The following STAU2 variants were observed in gnomAD, a reference collection of about 807,000 sequenced individuals.
STAU2 encodes staufen double-stranded RNA binding protein 2, also known as double-stranded RNA-binding protein Staufen homolog 2.
In STAU2, 20 loss-of-function variants were observed where a neutral mutation model predicts 65.9. That is an observed-to-expected ratio of 0.30 (90% CI 0.21 to 0.44). The LOEUF is 0.44. Ranked by LOEUF, STAU2 falls within the 20% of genes least tolerant of loss-of-function variation. The pLI is 1.00. For missense variants in STAU2, 558 were observed against 683.9 expected, an observed-to-expected ratio of 0.82 and a Z score of 2.05; for synonymous variants, 232 against 233.9, an observed-to-expected ratio of 0.99 and a Z score of 0.07.
intron 13 of STAU2, among the ~76,000 whole-genome samples, chr8:73,496,198 G>A (rs1384431210): frequency 6.6e-6 from 1 of 151,358 alleles, no homozygotes; most frequent in Non-Finnish European, 1.5e-5. Flanking sequence ...TTCTCTCGGT[G>A]TGTGTGTGTG....
chr8:73,503,354 C>G (rs1821868557), intron 13 of STAU2, among the ~76,000 whole-genome samples: 1 of 152,094 alleles, frequency 6.6e-6, no homozygotes, highest in African/African-American at 2.4e-5. Context: ...AAAGTAATAG[C>G]AGGGCTCATT....
At chr8:73,628,959 G>T (rs183844948) in intron 6 of STAU2, among the ~76,000 whole-genome samples, 3 of 152,178 alleles carry the variant, frequency 2.0e-5, no homozygotes, top group Non-Finnish European at 4.4e-5. Context: ...ACTCCCAAAA[G>T]TAACATGGAG....
intron 12 of STAU2, among the ~76,000 whole-genome samples, chr8:73,570,753 C>G (rs970995261): frequency 3.0e-4 from 46 of 152,258 alleles, no homozygotes; most frequent in African/African-American, 1.1e-3. Flanking sequence ...GCGGATCTCT[C>G]GGCAGAAACT....
chr8:73,672,966 G>T, intron 6 of STAU2, 141 bp downstream of exon 6: 3 of 709,184 alleles, frequency 4.2e-6, no homozygotes, highest in Middle Eastern at 4.9e-4. Flanking sequence ...AATATTCCTT[G>T]TGAACCTGCT....
intron 4 of STAU2, among the ~76,000 whole-genome samples, chr8:73,708,160 A>T (rs938653090): frequency 6.6e-6 from 1 of 152,322 alleles, no homozygotes; most frequent in Non-Finnish European, 1.5e-5. Context: ...AAAAACCATT[A>T]ATAGAAAACA....
intron 6 of STAU2, among the ~76,000 whole-genome samples, chr8:73,625,235 A>C (rs1813548353): frequency 6.6e-6 from 1 of 152,200 alleles, no homozygotes; most frequent in Admixed American, 6.5e-5. Flanking sequence ...GAGAAATGAA[A>C]ACTGGGGTTC....
In STAU2 at chr8:73,478,123, T is replaced by C. The variant is rs551304871; in HGVS notation, c.1531-55421A>G. 2.0e-5 allele frequency among the ~76,000 whole-genome samples: 3 copies of C among 151,216 alleles called. No homozygotes were observed. The East Asian group carries it at 5.8e-4, about 29-fold the overall frequency. On this transcript the variant is annotated intron_variant, in intron 13 of 14. Coordinates refer to ENST00000524300, the MANE Select transcript of STAU2 (RefSeq NM_001164380.2). ...CTCACAATTTGGGGACAAGTTTTTA[T>C]AAAGATCTTTTAAAGCAAATGCAAG...
chr8:73,448,747 G>C (rs1187996799), intron 13 of STAU2, among the ~76,000 whole-genome samples: 3 of 152,254 alleles, frequency 2.0e-5, no homozygotes, highest in African/African-American at 7.2e-5. Context: ...CCAAATCAGA[G>C]TTGGTGGACA....
At chr8:73,632,628 C>A (rs1217825266) in intron 6 of STAU2, among the ~76,000 whole-genome samples, 1 of 152,118 alleles carries the variant, frequency 6.6e-6, no homozygotes, top group Non-Finnish European at 1.5e-5. Context: ...AACTCCAAAG[C>A]AGGAGAGTGA....
upstream of STAU2, chr8:73,747,217 G>A (rs963462590): frequency 1.4e-5 from 10 of 731,638 alleles, no homozygotes; most frequent in Middle Eastern, 4.0e-4. Flanking sequence ...CAAGGAGCGC[G>A]CCCGGTCCGC....
intron 6 of STAU2, among the ~76,000 whole-genome samples, chr8:73,622,090 G>A (rs1813290796): frequency 6.8e-6 from 1 of 147,246 alleles, no homozygotes; most frequent in Non-Finnish European, 1.5e-5. Flanking sequence ...CCGAGTAGCT[G>A]GGACTACAGG....
intron 12 of STAU2, among the ~76,000 whole-genome samples, chr8:73,578,568 T>G (rs1178242182): frequency 6.6e-6 from 1 of 152,188 alleles, no homozygotes; most frequent in African/African-American, 2.4e-5. Flanking sequence ...ACCTGCAGGC[T>G]CAAATGGACA....
At chr8:73,595,559 G>T (rs936322948) in intron 10 of STAU2, among the ~76,000 whole-genome samples, 1 of 151,896 alleles carries the variant, frequency 6.6e-6, no homozygotes, top group Non-Finnish European at 1.5e-5. Flanking sequence ...TATGCTATTT[G>T]ATTTTTTAAA....
chr8:73,669,594 C>T (rs1444633323), intron 6 of STAU2, among the ~76,000 whole-genome samples: 2 of 152,128 alleles, frequency 1.3e-5, no homozygotes, highest in African/African-American at 4.8e-5. Flanking sequence ...ATGCCAGGCA[C>T]ACTTCTACTG....
At chr8:73,423,990 C>A (rs918613119) in intron 13 of STAU2, among the ~76,000 whole-genome samples, 5 of 152,080 alleles carry the variant, frequency 3.3e-5, no homozygotes, top group African/African-American at 1.2e-4. Context: ...ATTTATCCAC[C>A]ATTAGAGTAT....
chr8:73,591,115 A>G (rs1205105801), intron 11 of STAU2, among the ~76,000 whole-genome samples: 1 of 152,216 alleles, frequency 6.6e-6, no homozygotes, highest in South Asian at 2.1e-4. Context: ...TCAAAATGAG[A>G]GTAAATATAA....
At chr8:73,594,669 T>C (rs1811057977) in intron 11 of STAU2, among the ~76,000 whole-genome samples, 1 of 152,188 alleles carries the variant, frequency 6.6e-6, no homozygotes, top group Admixed American at 6.5e-5. Context: ...TAGGGGACCA[T>C]GAACACAGGT....
chr8:73,705,702 AAAG>A (rs1339366064), intron 4 of STAU2, among the ~76,000 whole-genome samples: 2 of 152,216 alleles, frequency 1.3e-5, no homozygotes, highest in African/African-American at 2.4e-5. Flanking sequence ...CAGAAAAATA[AAAG>A]AAGACAAGGC....
At chr8:73,552,999 T>C (rs1221836722) in intron 12 of STAU2, among the ~76,000 whole-genome samples, 1 of 152,146 alleles carries the variant, frequency 6.6e-6, no homozygotes, top group African/African-American at 2.4e-5. Context: ...TGCTCAAACA[T>C]CTCAAGAATA....
Sources: allele counts gnomAD v4.1 joint callset (sites outside exome capture counted in the v4.1 genomes callset), GRCh38; gene constraint gnomAD v4.1.1; transcripts MANE v1.5; gene names NCBI Gene and HGNC (gene_info 2026-07-23, HGNC 2026-07-21).